The following EXOC6B variants were observed in gnomAD, a reference collection of about 807,000 sequenced individuals.
The protein encoded by EXOC6B is exocyst complex component 6B, also known as SEC15 homolog B.
A neutral mutation model predicts 113.5 loss-of-function variants in EXOC6B; 54 were observed. That is an observed-to-expected ratio of 0.48 (90% CI 0.38 to 0.60). EXOC6B has a LOEUF of 0.60. Ranked by LOEUF, EXOC6B falls within the 20% of genes least tolerant of loss-of-function variation. The pLI is 0.00. For missense variants in EXOC6B, 797 were observed against 977.5 expected (o/e 0.82, Z 2.46); for synonymous variants, 357 against 339.0 (o/e 1.05, Z -0.58).
intron 16 of EXOC6B, among the ~76,000 whole-genome samples, chr2:72,483,808 C>A (rs1481199817): frequency 2.0e-5 from 3 of 152,098 alleles, no homozygotes; most frequent in Non-Finnish European, 4.4e-5. Context: ...TTTCAGATAA[C>A]TTCCCTCAGA....
chr2:72,701,943 T>A (rs1224243887), intron 6 of EXOC6B, among the ~76,000 whole-genome samples: 2 of 152,002 alleles, frequency 1.3e-5, no homozygotes, highest in African/African-American at 4.8e-5. Context: ...AATTATACTT[T>A]AAGTTTTAGG....
chr2:72,374,865 A>G (rs868656490), intron 19 of EXOC6B, among the ~76,000 whole-genome samples: 6 of 150,964 alleles, frequency 4.0e-5, no homozygotes, highest in Admixed American at 2.7e-4. Context: ...CACCTAACCA[A>G]CCCAATTAAA....
intron 18 of EXOC6B, among the ~76,000 whole-genome samples, chr2:72,441,068 C>T (rs184181669): frequency 0.012 from 1,851 of 152,110 alleles, 20 homozygotes; most frequent in African/African-American, 0.019. Context: ...TGGCTGGTAA[C>T]GGTCTTTCCA....
intron 6 of EXOC6B, among the ~76,000 whole-genome samples, chr2:72,712,993 T>C (rs1341750799): frequency 1.3e-5 from 2 of 152,216 alleles, no homozygotes; most frequent in African/African-American, 2.4e-5. Context: ...CCTCAAATAG[T>C]ATTTTTTGTG....
At position 72,216,778 on chromosome 2, in the gene EXOC6B, A is replaced by G. The variant is rs138480209; in HGVS notation, c.2197-32591T>C. On this transcript the variant is annotated intron_variant, in intron 20 of 21. Coordinates refer to ENST00000272427, the MANE Select transcript of EXOC6B (RefSeq NM_015189.3). ...GACACGGGTGAAGCAGGAAGCCATC[A>G]TTCTCAGCAAACTAACACAGGAACA... 1.2e-4 allele frequency among the ~76,000 whole-genome samples: 18 copies of G among 152,306 alleles called. No homozygotes were observed. In the East Asian group the frequency reaches 3.1e-3, roughly 26 times the overall value.
chr2:72,511,320 T>C (rs1700883024), intron 11 of EXOC6B, among the ~76,000 whole-genome samples: 2 of 152,102 alleles, frequency 1.3e-5, no homozygotes, highest in African/African-American at 4.8e-5. Context: ...CTCCAAACTA[T>C]CAAAACTGCT....
chr2:72,592,699 G>A (rs7598238), intron 6 of EXOC6B, among the ~76,000 whole-genome samples: 134,292 of 152,178 alleles, frequency 0.88, 59,331 homozygotes, highest in East Asian at 0.99. Flanking sequence ...GCCCAGCACA[G>A]AGCTTCTAAA....
chr2:72,263,017 G>A (rs566149812), intron 20 of EXOC6B, among the ~76,000 whole-genome samples: 1 of 152,272 alleles, frequency 6.6e-6, no homozygotes, highest in African/African-American at 2.4e-5. Flanking sequence ...AAGATCCAAA[G>A]TTGGGGGGGA....
At chr2:72,729,352 A>G (rs11896005) in intron 5 of EXOC6B, among the ~76,000 whole-genome samples, 13 of 151,018 alleles carry the variant, frequency 8.6e-5, no homozygotes, top group African/African-American at 2.4e-4. Flanking sequence ...TTACACATAT[A>G]TGAATCAAAA....
chr2:72,490,337 C>T (rs988729759), intron 16 of EXOC6B, among the ~76,000 whole-genome samples: 1 of 152,052 alleles, frequency 6.6e-6, no homozygotes, highest in Non-Finnish European at 1.5e-5. Context: ...ATAACACATG[C>T]CCAGCCTGCT....
At chr2:72,278,035 G>A (rs1483203326) in intron 20 of EXOC6B, among the ~76,000 whole-genome samples, 2 of 151,992 alleles carry the variant, frequency 1.3e-5, no homozygotes, top group Admixed American at 6.6e-5. Flanking sequence ...CTGTTTATAC[G>A]TTCTTCTCAT....
chr2:72,219,282 G>A lies in EXOC6B; in HGVS notation c.2197-35095C>T, dbSNP rs189777298. ...GTGGCAAGAGGGAGCAAGGGGGAAG[G>A]AGGAGGGGGAAGAGGGCAGGACTAT... On this transcript the variant is annotated intron_variant, in intron 20 of 21. Transcript: ENST00000272427. Among the ~76,000 whole-genome samples the A allele has an allele frequency of 3.2e-3, 484 of 152,100 alleles. 3 individuals carry two copies. The highest frequency in any genetic ancestry group is 0.011 in the African/African-American group (458 of 41,484).
At chr2:72,330,459 T>G (rs1688359243) in intron 20 of EXOC6B, among the ~76,000 whole-genome samples, 1 of 152,054 alleles carries the variant, frequency 6.6e-6, no homozygotes, top group Non-Finnish European at 1.5e-5. Context: ...ACAGTCTAGA[T>G]CCTAATTAAA....
chr2:72,256,865 A>G (rs1289317826), intron 20 of EXOC6B, among the ~76,000 whole-genome samples: 2 of 152,234 alleles, frequency 1.3e-5, no homozygotes, highest in East Asian at 3.8e-4. Flanking sequence ...TCATAATTTC[A>G]GCACTTAAAT....
chr2:72,657,593 T>TC (rs1428481606), intron 6 of EXOC6B, among the ~76,000 whole-genome samples: 1 of 144,172 alleles, frequency 6.9e-6, no homozygotes, highest in South Asian at 2.2e-4. Flanking sequence ...TTTTTTTTTT[T>TC]TGTGGAGCTT....
intron 1 of EXOC6B, among the ~76,000 whole-genome samples, chr2:72,793,205 G>C (rs1684772670): frequency 9.3e-6 from 1 of 107,374 alleles, no homozygotes; most frequent in Non-Finnish European, 2.0e-5. Context: ...TTTCTTTAGG[G>C]TAGTAGTCTT....
At chr2:72,649,758 G>A (rs1268475550) in intron 6 of EXOC6B, among the ~76,000 whole-genome samples, 1 of 152,006 alleles carries the variant, frequency 6.6e-6, no homozygotes, top group Non-Finnish European at 1.5e-5. Context: ...CCCAGAAACA[G>A]CCCCACAGTA....
intron 6 of EXOC6B, among the ~76,000 whole-genome samples, chr2:72,608,487 C>G (rs149686567): frequency 1.2e-4 from 18 of 152,218 alleles, no homozygotes; most frequent in African/African-American, 4.3e-4. Context: ...CCTGCTAAAA[C>G]TCAACTTCAC....
intron 6 of EXOC6B, among the ~76,000 whole-genome samples, chr2:72,668,516 T>A (rs1421105975): frequency 6.6e-6 from 1 of 151,664 alleles, no homozygotes; most frequent in African/African-American, 2.4e-5. Flanking sequence ...GGAGTCAACC[T>A]AGGTGCCCAA....
Sources: allele counts gnomAD v4.1 joint callset (sites outside exome capture counted in the v4.1 genomes callset), GRCh38; gene constraint gnomAD v4.1.1; transcripts MANE v1.5; gene names NCBI Gene and HGNC (gene_info 2026-07-23, HGNC 2026-07-21).